CSMD1: variants seen among roughly 807,000 people sequenced by gnomAD.
The protein encoded by CSMD1 is CUB and sushi domain-containing protein 1.
CSMD1 carries 213 observed loss-of-function variants against 417.5 expected under a neutral mutation model. That is an observed-to-expected ratio of 0.51 (90% CI 0.46 to 0.57). The LOEUF is 0.57. Among genes scored for constraint, CSMD1 ranks in the 20% least tolerant of loss-of-function variants. The pLI is 0.00. For missense variants in CSMD1, 6,923 were observed against 4,529.7 expected (o/e 1.53, Z -15.17); for synonymous variants, 2,862 against 1,736.8 (o/e 1.65, Z -16.11).
intron 1 of CSMD1, among the ~76,000 whole-genome samples, chr8:4,886,412 T>C (rs1391309412): frequency 1.3e-5 from 2 of 152,046 alleles, no homozygotes; most frequent in Non-Finnish European, 2.9e-5. Context: ...GATAATGTTT[T>C]GTTGAGGAAA....
intron 3 of CSMD1, among the ~76,000 whole-genome samples, chr8:4,276,347 C>T (rs1229764269): frequency 2.0e-5 from 3 of 152,108 alleles, no homozygotes; most frequent in East Asian, 1.9e-4. Context: ...AACTAGAAAC[C>T]GTCATTGTCA....
chr8:3,178,437 T>C (rs1414321298), intron 37 of CSMD1, among the ~76,000 whole-genome samples: 2 of 152,002 alleles, frequency 1.3e-5, no homozygotes. Context: ...ACCTTTGGTG[T>C]CATTGTTTGT....
At chr8:4,189,394 C>A (rs190307325) in intron 3 of CSMD1, among the ~76,000 whole-genome samples, 1 of 152,088 alleles carries the variant, frequency 6.6e-6, no homozygotes, top group Non-Finnish European at 1.5e-5. Flanking sequence ...CTAACTCTAC[C>A]TAAAAGTTTG....
At chr8:3,783,565 C>T (rs1799295480) in intron 5 of CSMD1, among the ~76,000 whole-genome samples, 1 of 152,186 alleles carries the variant, frequency 6.6e-6, no homozygotes, top group African/African-American at 2.4e-5. Context: ...GAAGCACCAC[C>T]TGGCACAGGT....
intron 52 of CSMD1, among the ~76,000 whole-genome samples, chr8:3,012,285 A>G (rs900367919): frequency 4.6e-5 from 7 of 152,240 alleles, no homozygotes; most frequent in Non-Finnish European, 8.8e-5. Context: ...CTTGAATATT[A>G]GGTGTAGAAA....
rs73659174 is a variant in CSMD1 at position 4,616,542 on chromosome 8, C to T, written c.302+20800G>A. ...CAAAGACTTTCTCATTCTCTCATGC[C>T]AGCAATACATCAGTTATAATACTCA... On this transcript the variant is annotated intron_variant, in intron 2 of 69. Coordinates refer to ENST00000635120, the MANE Select transcript of CSMD1 (RefSeq NM_033225.6). Among the ~76,000 whole-genome samples the T allele has an allele frequency of 9.6e-3, 1,467 of 152,278 alleles. 22 individuals carry two copies. Among genetic ancestry groups the T allele is most frequent in the African/African-American group, 0.034 (1,397 of 41,546 alleles).
chr8:4,275,610 T>C (rs1404235460), intron 3 of CSMD1, among the ~76,000 whole-genome samples: 1 of 152,116 alleles, frequency 6.6e-6, no homozygotes, highest in Non-Finnish European at 1.5e-5. Context: ...ATTTTTAACC[T>C]CAGCATACAA....
chr8:4,332,735 A>G (rs1165865313), intron 3 of CSMD1, among the ~76,000 whole-genome samples: 3 of 151,998 alleles, frequency 2.0e-5, no homozygotes, highest in African/African-American at 7.3e-5. Context: ...AGTGTGAGTT[A>G]CCATTCTTAG....
chr8:3,936,923 G>C (rs1286536488), intron 5 of CSMD1, among the ~76,000 whole-genome samples: 3 of 152,184 alleles, frequency 2.0e-5, no homozygotes, highest in Non-Finnish European at 2.9e-5. Flanking sequence ...AAGAATGTTT[G>C]TGATTCATGG....
chr8:3,354,509 G>A (rs2113351), intron 21 of CSMD1, among the ~76,000 whole-genome samples: 40,820 of 151,866 alleles, frequency 0.27, 6,053 homozygotes, highest in East Asian at 0.47. Context: ...TGTGTTCTAC[G>A]CAACAAATAA....
intron 3 of CSMD1, among the ~76,000 whole-genome samples, chr8:4,121,160 G>A (rs911302470): frequency 6.6e-6 from 1 of 151,628 alleles, no homozygotes; most frequent in Non-Finnish European, 1.5e-5. Context: ...TGTTGTCCAG[G>A]CTGGAGTGCA....
chr8:4,032,677 T>G lies in CSMD1; in HGVS notation c.416-578A>C, dbSNP rs78165487. Reference sequence around the variant, plus strand: ...TGTATAAAAAAATGTTCCACTACTGTATTCCAGGCCAGCAGCCAGGCTCTG... The same window carrying G: ...TGTATAAAAAAATGTTCCACTACTGGATTCCAGGCCAGCAGCCAGGCTCTG... On this transcript the variant is annotated intron_variant, in intron 3 of 69. Transcript: ENST00000635120. 1.0e-3 allele frequency among the ~76,000 whole-genome samples: 154 copies of G among 152,332 alleles called. No homozygotes were observed. The East Asian group carries it at 0.017, about 16-fold the overall frequency.
chr8:4,497,648 G>A (rs191659075), intron 2 of CSMD1, among the ~76,000 whole-genome samples: 80 of 152,228 alleles, frequency 5.3e-4, no homozygotes, highest in African/African-American at 1.9e-3. Flanking sequence ...GGGAACTCGT[G>A]CCCCAGTGAG....
At chr8:4,704,726 T>G (rs1807808751) in intron 1 of CSMD1, among the ~76,000 whole-genome samples, 3 of 152,210 alleles carry the variant, frequency 2.0e-5, no homozygotes, top group African/African-American at 7.2e-5. Flanking sequence ...ATGGAATGCC[T>G]GTCCTTTCAA....
At chr8:3,657,724 T>A (rs60744217) in intron 7 of CSMD1, among the ~76,000 whole-genome samples, 1 of 152,010 alleles carries the variant, frequency 6.6e-6, no homozygotes, top group Non-Finnish European at 1.5e-5. Context: ...AGGGGTAGCA[T>A]TAGGAGAAAT....
chr8:4,905,663 CA>C (rs567311205), intron 1 of CSMD1, among the ~76,000 whole-genome samples: 14 of 151,374 alleles, frequency 9.2e-5, no homozygotes, highest in East Asian at 5.9e-4. Flanking sequence ...ACTAAAACTA[CA>C]AAAAAATTAG....
chr8:4,531,234 T>G (rs1349573127), intron 2 of CSMD1, among the ~76,000 whole-genome samples: 1 of 152,180 alleles, frequency 6.6e-6, no homozygotes, highest in Non-Finnish European at 1.5e-5. Flanking sequence ...GCCACACTGA[T>G]AGATGATCTC....
chr8:4,120,104 A>G (rs1802396331), intron 3 of CSMD1, among the ~76,000 whole-genome samples: 1 of 152,066 alleles, frequency 6.6e-6, no homozygotes, highest in South Asian at 2.1e-4. Context: ...GGGGATGGAC[A>G]CCCCATTATC....
Position 2,998,087 on chromosome 8 carries a change from G to C in CSMD1, c.8301C>G (p.Gly2767=), listed in dbSNP as rs760650710. The change falls in exon 54 of 70, where the codon GGC becomes GGG. Residue 2767 remains glycine, a synonymous_variant. Transcript: ENST00000635120. ...CTCGAGACACGCCCTGCAGCAAATAGCCCGTGTTGCAGGTGAAATTCACGA... is the reference window on the plus strand; with the variant it reads ...CTCGAGACACGCCCTGCAGCAAATACCCCGTGTTGCAGGTGAAATTCACGA... ...NDVVNFTCNT[G]YLLQGVSRAQ... 1 of 1,613,996 alleles carries C rather than the reference G, an allele frequency of 6.2e-7. No homozygotes were observed. The highest frequency in any genetic ancestry group is 8.5e-7 in the Non-Finnish European group (1 of 1,179,868).
Sources: allele counts gnomAD v4.1 joint callset (sites outside exome capture counted in the v4.1 genomes callset), GRCh38; gene constraint gnomAD v4.1.1; transcripts MANE v1.5; gene names NCBI Gene and HGNC (gene_info 2026-07-23, HGNC 2026-07-21).